The following GOLGB1 variants were observed in gnomAD, a reference collection of about 807,000 sequenced individuals.
GOLGB1 encodes the protein golgin B1, also known as golgin subfamily B member 1.
In GOLGB1, 174 loss-of-function variants were observed where a neutral mutation model predicts 336.9. The observed-to-expected ratio is 0.52, with a 90% CI of 0.46 to 0.59. GOLGB1 has a LOEUF of 0.59. Among genes scored for constraint, GOLGB1 ranks in the 20% least tolerant of loss-of-function variants. GOLGB1 has a pLI of 0.00. For missense variants in GOLGB1, 3,331 were observed against 3,645.3 expected (o/e 0.91, Z 2.22); for synonymous variants, 1,208 against 1,289.2 (o/e 0.94, Z 1.35).
intron 5 of GOLGB1, 124 bp downstream of exon 5, chr3:121,726,789 G>A (rs1945649588): frequency 3.6e-6 from 2 of 551,324 alleles, no homozygotes; most frequent in Non-Finnish European, 3.0e-6. Flanking sequence ...AAGAAAAGAA[G>A]GAGACTGATA....
chr3:121,739,694 C>G (rs878917981), intron 1 of GOLGB1, among the ~76,000 whole-genome samples: 1 of 151,428 alleles, frequency 6.6e-6, no homozygotes, highest in East Asian at 1.9e-4. Context: ...ACCTTATGAC[C>G]CTCAATTCCA....
chr3:121,698,800 G>A lies in GOLGB1; in HGVS notation c.1723C>T (p.Gln575Ter). 4.3e-6 allele frequency: 7 copies of A among 1,613,412 alleles called. No individual in the cohort carries two copies. Among genetic ancestry groups the A allele is most frequent in the Non-Finnish European group, 5.9e-6 (7 of 1,179,626 alleles). The change falls in exon 13 of 22, where the codon CAA becomes TAA. Residue 575 changes from glutamine (Q) to a stop codon, truncating the protein, a stop_gained. Transcript: ENST00000614479. LOFTEE classifies it high-confidence loss of function. ...AATTTAAGAAATGCAATTTCCTCTTGAGCTTCTTTCATTTCCAACAATAAA... is the reference window on the plus strand; with the variant it reads ...AATTTAAGAAATGCAATTTCCTCTTAAGCTTCTTTCATTTCCAACAATAAA... ...SVLLLEMKEAQEEIAFLKLQL... is the reference protein window; with the variant it reads ...SVLLLEMKEA
At chr3:121,739,796 T>C (rs996325236) in intron 1 of GOLGB1, among the ~76,000 whole-genome samples, 2 of 152,166 alleles carry the variant, frequency 1.3e-5, no homozygotes, top group African/African-American at 4.8e-5. Flanking sequence ...TTTCTATTAA[T>C]AGACGGTTAA....
rs551332463 is a variant in GOLGB1 at position 121,697,699 on chromosome 3, A to G, written c.2824T>C (p.Leu942=). Residue 942 remains leucine (L), a synonymous_variant, in exon 13 of 22, where the codon TTA becomes CTA. Coordinates refer to ENST00000614479, the MANE Select transcript of GOLGB1 (RefSeq NM_001366282.2). ...TTTGCTTCCTCAGCTCTGGATAATA[A>G]ATTTAGCTGTTCTTTAAGAGTCTTA... ...EIKTLKEQLN[L]LSRAEEAKKE... is the part of the protein sequence containing the mutation. 3 of 1,613,624 alleles carry G rather than the reference A, an allele frequency of 1.9e-6. No homozygotes were observed. Among genetic ancestry groups the G allele is most frequent in the African/African-American group, 1.3e-5 (1 of 75,006 alleles).
At chr3:121,681,944 A>G in intron 14 of GOLGB1, 79 bp from the exon 15 acceptor site, 1 of 911,260 alleles carries the variant, frequency 1.1e-6, no homozygotes, top group East Asian at 2.4e-5. Context: ...GCTCCCTACT[A>G]AGTAGTCAGA....
Position 121,696,259 on chromosome 3 carries a change from C to T in GOLGB1, c.4264G>A (p.Glu1422Lys). ...DVSYLSGQLS[E>K]KEAALTKIQT... ...ATTTTAGTGAGAGCTGCTTCTTTCT[C>T]ACTAAGTTGTCCAGAAAGGTAGCTA... is the stretch of plus-strand genomic sequence containing the variant. The change falls in exon 13 of 22, where the codon GAG becomes AAG. Residue 1422 changes from glutamate (E) to lysine (K), a missense_variant. Glu to Lys is a moderately conservative substitution (Grantham distance 56). Coordinates refer to ENST00000614479, the MANE Select transcript of GOLGB1 (RefSeq NM_001366282.2). 2 of 1,614,038 alleles carry T rather than the reference C, an allele frequency of 1.2e-6. No individual in the cohort carries two copies. The highest frequency in any genetic ancestry group is 1.7e-6 in the Non-Finnish European group (2 of 1,179,980).
In GOLGB1 at chr3:121,694,847, A is replaced by C. The variant is rs1477596932; in HGVS notation, c.5676T>G (p.Leu1892=). The C allele has an allele frequency of 6.2e-7, 1 of 1,613,844 alleles. No homozygotes were observed. Among genetic ancestry groups the C allele is most frequent in the Admixed American group, 1.7e-5 (1 of 59,974 alleles). Residue 1892 remains leucine (L), a synonymous_variant, in exon 13 of 22, where the codon CTT becomes CTG. Transcript: ENST00000614479. ...ISTKDGELKM[L]QEEVTKMNLL... is the part of the protein sequence containing the mutation. Reference sequence around the variant, plus strand: ...GGTTCATTTTGGTTACTTCCTCCTGAAGCATTTTTAGTTCACCATCCTTTG... The same window carrying C: ...GGTTCATTTTGGTTACTTCCTCCTGCAGCATTTTTAGTTCACCATCCTTTG...
At chr3:121,749,337 G>C (rs552885700) in intron 1 of GOLGB1, among the ~76,000 whole-genome samples, 26 of 152,180 alleles carry the variant, frequency 1.7e-4, no homozygotes, top group Non-Finnish European at 5.9e-5. Context: ...GCTTTTCCCC[G>C]TCGCTCCCAG....
intron 1 of GOLGB1, among the ~76,000 whole-genome samples, chr3:121,739,079 T>A (rs1197036289): frequency 6.6e-6 from 1 of 151,982 alleles, no homozygotes; most frequent in African/African-American, 2.4e-5. Context: ...CTGAGCAACA[T>A]AGCAAGATCC....
At chr3:121,676,322 A>T (rs1174975581) in intron 17 of GOLGB1, among the ~76,000 whole-genome samples, 1 of 152,178 alleles carries the variant, frequency 6.6e-6, no homozygotes, top group Non-Finnish European at 1.5e-5. Context: ...TGGATCACAG[A>T]CCCCTTGGTC....
intron 15 of GOLGB1, among the ~76,000 whole-genome samples, chr3:121,678,364 A>T (rs1235686183): frequency 1.3e-5 from 2 of 152,174 alleles, no homozygotes; most frequent in Non-Finnish European, 2.9e-5. Context: ...TCTCTTAGAG[A>T]TGTTATGATA....
intron 17 of GOLGB1, among the ~76,000 whole-genome samples, chr3:121,670,297 T>C (rs1560166097): frequency 6.6e-6 from 1 of 152,198 alleles, no homozygotes. Flanking sequence ...AGGAACCCAG[T>C]ATACCAGTTG....
chr3:121,712,419 A>T lies in GOLGB1; in HGVS notation c.1404+2442T>A, dbSNP rs188980831. ...TAAGCAAAGGTTTCACAGACAGGAC[A>T]CAGAAAAAAAAAACAATAAAAAATG... On this transcript the variant is annotated intron_variant, in intron 10 of 21. Transcript: ENST00000614479. Among the ~76,000 whole-genome samples the T allele has an allele frequency of 3.9e-3, 598 of 152,106 alleles. 2 individuals are homozygous for T. The highest frequency in any genetic ancestry group is 0.014 in the African/African-American group (568 of 41,514).
At chr3:121,665,064 G>T (rs1290944404) in intron 20 of GOLGB1, 33 bp from the exon 21 acceptor site, 1 of 1,198,850 alleles carries the variant, frequency 8.3e-7, no homozygotes, top group Admixed American at 1.7e-5. Flanking sequence ...CATAGCATTG[G>T]TTCATAGCAT....
intron 1 of GOLGB1, chr3:121,748,676 G>T: frequency 3.8e-6 from 1 of 261,918 alleles, no homozygotes; most frequent in Non-Finnish European, 5.9e-6. Context: ...AAGGCCTCTG[G>T]CCCTTATGTA....
intron 1 of GOLGB1, among the ~76,000 whole-genome samples, chr3:121,738,710 G>C (rs1229754347): frequency 6.6e-6 from 1 of 152,128 alleles, no homozygotes; most frequent in Non-Finnish European, 1.5e-5. Context: ...TGAAGAGTTG[G>C]GGCTCTCTTC....
intron 10 of GOLGB1, among the ~76,000 whole-genome samples, chr3:121,711,512 T>C (rs921023100): frequency 4.6e-5 from 7 of 152,132 alleles, no homozygotes; most frequent in Non-Finnish European, 8.8e-5. Flanking sequence ...AACAGTGTAC[T>C]GGAGGCATAA....
intron 10 of GOLGB1, among the ~76,000 whole-genome samples, chr3:121,710,103 G>GAAA (rs4048702): frequency 3.7e-4 from 49 of 131,276 alleles, no homozygotes; most frequent in Middle Eastern, 3.9e-3. Context: ...GCACCGGGTG[G>GAAA]AAAAAAAAAA....
At chr3:121,716,662 CAG>C in intron 9 of GOLGB1, 73 bp downstream of exon 9, 1 of 1,200,128 alleles carries the variant, frequency 8.3e-7, no homozygotes, top group South Asian at 1.5e-5. Context: ...ATTTCATTAA[CAG>C]ATCCCTGAAA....
Sources: allele counts gnomAD v4.1 joint callset (sites outside exome capture counted in the v4.1 genomes callset), GRCh38; gene constraint gnomAD v4.1.1; transcripts MANE v1.5; gene names NCBI Gene and HGNC (gene_info 2026-07-23, HGNC 2026-07-21).